The following PALLD variants were observed in gnomAD, a reference collection of about 807,000 sequenced individuals.
PALLD encodes the protein palladin.
Under a neutral mutation model 123.5 loss-of-function variants are expected in PALLD, and 61 were observed. That is an observed-to-expected ratio of 0.49 (90% confidence interval 0.40 to 0.61). The LOEUF is 0.61. Ranked by LOEUF, PALLD falls within the 20% of genes least tolerant of loss-of-function variation. The pLI is 0.00. For synonymous variants in PALLD, 465 were observed against 496.4 expected, an observed-to-expected ratio of 0.94 and a Z score of 0.84; for missense variants, 1,273 against 1,377.0, an observed-to-expected ratio of 0.92 and a Z score of 1.20.
intron 2 of PALLD, among the ~76,000 whole-genome samples, chr4:168,525,408 T>C (rs1442882234): frequency 6.6e-6 from 1 of 152,226 alleles, no homozygotes; most frequent in Non-Finnish European, 1.5e-5. Context: ...GAGATTCCTC[T>C]GCCCACAGTA....
At position 168,691,310 on chromosome 4, in the gene PALLD, G is replaced by GTTTT; in HGVS notation, c.1501+26_1501+29dup. The GTTTT allele has an allele frequency of 7.7e-7, 1 of 1,300,556 alleles. No individual in the cohort carries two copies. Among genetic ancestry groups the GTTTT allele is most frequent in the Non-Finnish European group, 1.1e-6 (1 of 949,864 alleles). The allele number at this position is 1,300,556 out of a possible 1,614,324, so 80.6% of individuals were successfully genotyped here. A position where few individuals can be genotyped will look rare whatever the true frequency, so the allele number is the denominator to read the frequency against. On this transcript the variant is annotated intron_variant, in intron 8 of 21. Transcript: ENST00000505667. Reference sequence around the variant, plus strand: ...TGAACCTGGTAAGAATATTTTTAGGGTTTTTTTTTTTGGTGGTGGGGGAGC... The same window carrying GTTTT: ...TGAACCTGGTAAGAATATTTTTAGGGTTTTTTTTTTTTTTTGGTGGTGGGGGAGC...
At chr4:168,894,772 A>C in intron 12 of PALLD, 95 bp downstream of exon 12, 1 of 1,545,264 alleles carries the variant, frequency 6.5e-7, no homozygotes, top group South Asian at 1.2e-5. Flanking sequence ...AGTTCTGTGG[A>C]AAGTAGAGGG....
At chr4:168,871,835 T>C (rs1560827766) in intron 10 of PALLD, among the ~76,000 whole-genome samples, 1 of 152,198 alleles carries the variant, frequency 6.6e-6, no homozygotes, top group Non-Finnish European at 1.5e-5. Context: ...CCTTATCATA[T>C]GCAATTTATG....
intron 10 of PALLD, among the ~76,000 whole-genome samples, chr4:168,713,450 G>A (rs1433946156): frequency 6.6e-6 from 1 of 152,222 alleles, no homozygotes. Context: ...ACTAGGACTT[G>A]ACTGTGGTCT....
chr4:168,759,200 AAAATATATATATATATATATAT>A (rs1561490489), intron 10 of PALLD, among the ~76,000 whole-genome samples: 4 of 27,984 alleles, frequency 1.4e-4, no homozygotes, highest in African/African-American at 6.7e-4. Flanking sequence ...AAAAAAAAAA[AAAATATATATATATATATATAT>A]ATATATATAT....
At chr4:168,623,686 C>G (rs1357288981) in intron 2 of PALLD, among the ~76,000 whole-genome samples, 1 of 152,156 alleles carries the variant, frequency 6.6e-6, no homozygotes, top group Non-Finnish European at 1.5e-5. Context: ...GCAAACGGAA[C>G]TGAAAAAGCA....
chr4:168,709,451 C>T (rs1156609780), intron 9 of PALLD, among the ~76,000 whole-genome samples: 2 of 148,148 alleles, frequency 1.3e-5, no homozygotes, highest in Non-Finnish European at 3.0e-5. Flanking sequence ...TGGATGTGGC[C>T]GTGAGCCAAG....
chr4:168,625,771 T>C (rs1485245601), intron 2 of PALLD, among the ~76,000 whole-genome samples: 1 of 151,940 alleles, frequency 6.6e-6, no homozygotes, highest in African/African-American at 2.4e-5. Context: ...GTAACAAGTG[T>C]TGGCAAGGGT....
chr4:168,630,196 C>T (rs1464119515), intron 2 of PALLD, among the ~76,000 whole-genome samples: 4 of 152,236 alleles, frequency 2.6e-5, no homozygotes, highest in African/African-American at 9.6e-5. Flanking sequence ...TAGCAAGACT[C>T]ACCCAACAGG....
intron 10 of PALLD, among the ~76,000 whole-genome samples, chr4:168,769,166 G>T (rs549962440): frequency 5.3e-5 from 8 of 152,280 alleles, no homozygotes; most frequent in Admixed American, 5.2e-4. Context: ...TTCCAGTGAA[G>T]AACATTCATT....
intron 18 of PALLD, among the ~76,000 whole-genome samples, chr4:168,922,866 G>A (rs1761853674): frequency 6.6e-6 from 1 of 152,140 alleles, no homozygotes; most frequent in Admixed American, 6.6e-5. Flanking sequence ...GTCAGAAGAC[G>A]GTGATGCACA....
intron 8 of PALLD, among the ~76,000 whole-genome samples, chr4:168,698,070 A>G (rs535622803): frequency 3.3e-5 from 5 of 152,362 alleles, no homozygotes; most frequent in African/African-American, 1.2e-4. Flanking sequence ...ATTTGCAACA[A>G]CATGGATGGA....
chr4:168,811,776 T>TCACACACACACACA (rs58914714), intron 10 of PALLD, among the ~76,000 whole-genome samples: 7 of 143,744 alleles, frequency 4.9e-5, no homozygotes, highest in African/African-American at 1.6e-4. Flanking sequence ...TCTCTCTCTC[T>TCACACACACACACA]CACACACACA....
At chr4:168,646,178 A>G (rs934727711) in intron 2 of PALLD, among the ~76,000 whole-genome samples, 2 of 152,278 alleles carry the variant, frequency 1.3e-5, no homozygotes, top group African/African-American at 2.4e-5. Flanking sequence ...CTTTCCCACG[A>G]AAAAGAAGGG....
chr4:168,747,546 C>T (rs568972754), intron 10 of PALLD, among the ~76,000 whole-genome samples: 28 of 152,266 alleles, frequency 1.8e-4, no homozygotes, highest in Middle Eastern at 3.4e-3. Context: ...CTACAGATGT[C>T]CAAGGAAATT....
At chr4:168,566,683 A>G (rs1249362838) in intron 2 of PALLD, among the ~76,000 whole-genome samples, 1 of 152,174 alleles carries the variant, frequency 6.6e-6, no homozygotes. Flanking sequence ...TCTGTTCAAT[A>G]AACATATTGT....
intron 10 of PALLD, among the ~76,000 whole-genome samples, chr4:168,854,475 A>G (rs1211729961): frequency 1.3e-5 from 2 of 152,196 alleles, no homozygotes; most frequent in Admixed American, 1.3e-4. Context: ...GGCATCCCCA[A>G]TGAGTTAGAT....
At chr4:168,789,052 C>T (rs893703323) in intron 10 of PALLD, among the ~76,000 whole-genome samples, 1 of 152,148 alleles carries the variant, frequency 6.6e-6, no homozygotes, top group Non-Finnish European at 1.5e-5. Context: ...TCTATGTGTA[C>T]ATTTCTAAAG....
intron 10 of PALLD, among the ~76,000 whole-genome samples, chr4:168,754,203 T>G (rs888488167): frequency 1.3e-5 from 2 of 152,210 alleles, no homozygotes; most frequent in African/African-American, 2.4e-5. Context: ...AAGAAATCAC[T>G]GCTAATCTAT....
Sources: allele counts gnomAD v4.1 joint callset (sites outside exome capture counted in the v4.1 genomes callset), GRCh38; gene constraint gnomAD v4.1.1; transcripts MANE v1.5; gene names NCBI Gene and HGNC (gene_info 2026-07-23, HGNC 2026-07-21).